SLC2A12: variants seen among roughly 807,000 people sequenced by gnomAD.
SLC2A12 encodes solute carrier family 2, facilitated glucose transporter member 12.
SLC2A12 carries 23 observed loss-of-function variants against 41.8 expected under a neutral mutation model. The observed-to-expected ratio is 0.55, with a 90% CI of 0.40 to 0.78. The LOEUF (loss-of-function observed/expected upper bound fraction) is 0.78, where lower values mean the gene tolerates loss of function less well. Ranked by LOEUF, SLC2A12 falls within the 30% of genes least tolerant of loss-of-function variation. The pLI is 0.00. For missense variants in SLC2A12, 654 were observed against 745.6 expected, an observed-to-expected ratio of 0.88 and a Z score of 1.43; for synonymous variants, 295 against 285.9, an observed-to-expected ratio of 1.03 and a Z score of -0.32.
At chr6:134,050,344 T>C (rs1012135745) in intron 1 of SLC2A12, among the ~76,000 whole-genome samples, 1 of 152,222 alleles carries the variant, frequency 6.6e-6, no homozygotes, top group African/African-American at 2.4e-5. Flanking sequence ...TCATCTGACA[T>C]TTTAAGGAAA....
At chr6:133,996,264 T>C (rs1478610283) in intron 4 of SLC2A12, among the ~76,000 whole-genome samples, 1 of 152,218 alleles carries the variant, frequency 6.6e-6, no homozygotes, top group Non-Finnish European at 1.5e-5. Flanking sequence ...TACAAAACAT[T>C]AACTTGTTTG....
intron 2 of SLC2A12, among the ~76,000 whole-genome samples, chr6:134,022,093 G>A (rs150233061): frequency 3.9e-5 from 6 of 152,266 alleles, no homozygotes; most frequent in Non-Finnish European, 7.4e-5. Flanking sequence ...CACCCTGATA[G>A]AGCTGGGTGA....
Position 134,029,563 on chromosome 6 carries a change from T to A in SLC2A12, c.262A>T (p.Ile88Phe). The A allele has an allele frequency of 6.2e-7, 1 of 1,614,142 alleles. No individual in the cohort carries two copies. Among genetic ancestry groups the A allele is most frequent in the East Asian group, 2.2e-5 (1 of 44,872 alleles). The change falls in exon 2 of 5, where the codon ATT becomes TTT. Residue 88 changes from isoleucine to phenylalanine, a missense_variant. Physicochemically the swap from Ile to Phe is conservative, Grantham distance 21. This residue lies in a region of SLC2A12 where 109 missense variants were observed against 153.0 expected (regional missense o/e 0.71). Coordinates refer to ENST00000275230, the MANE Select transcript of SLC2A12 (RefSeq NM_145176.3). ...GTGAGTGAGGCAAGGAGGGCTCCAATGACGAGGGAGCTCACAACCATTTCC... is the reference window on the plus strand; with the variant it reads ...GTGAGTGAGGCAAGGAGGGCTCCAAAGACGAGGGAGCTCACAACCATTTCC... ...EQEMVVSSLV[I>F]GALLASLTGG... is the part of the protein sequence containing the mutation.
At chr6:134,021,162 C>G (rs1040735761) in intron 2 of SLC2A12, among the ~76,000 whole-genome samples, 5 of 151,672 alleles carry the variant, frequency 3.3e-5, no homozygotes, top group African/African-American at 9.8e-5. Flanking sequence ...CTGGCAGGAA[C>G]AGGAGTTTTT....
intron 4 of SLC2A12, among the ~76,000 whole-genome samples, chr6:133,999,000 T>C (rs1562190434): frequency 6.6e-6 from 1 of 152,296 alleles, no homozygotes; most frequent in East Asian, 1.9e-4. Context: ...TTAAGCTAGG[T>C]AGGCATTGTA....
intron 1 of SLC2A12, among the ~76,000 whole-genome samples, chr6:134,032,486 ATTTGTTCTGTTTC>A (rs1777232203): frequency 1.3e-5 from 1 of 77,792 alleles, no homozygotes; most frequent in Non-Finnish European, 2.9e-5. Context: ...ATATATATAT[ATTTGTTCTGTTTC>A]ACTGCTATAT....
At chr6:134,001,898 TA>T in intron 4 of SLC2A12, 98 bp downstream of exon 4, 1 of 1,294,248 alleles carries the variant, frequency 7.7e-7, no homozygotes, top group South Asian at 1.5e-5. Context: ...CCTAATCTAA[TA>T]ATATCTAATA....
intron 4 of SLC2A12, among the ~76,000 whole-genome samples, chr6:133,999,320 G>A (rs1185328714): frequency 1.3e-5 from 2 of 152,164 alleles, no homozygotes; most frequent in African/African-American, 4.8e-5. Flanking sequence ...CAGGAAAGAA[G>A]ATTGTTTCAC....
intron 1 of SLC2A12, among the ~76,000 whole-genome samples, chr6:134,034,372 T>G (rs1421795538): frequency 1.3e-5 from 2 of 152,214 alleles, no homozygotes; most frequent in Admixed American, 6.5e-5. Flanking sequence ...TCCCCTTCCC[T>G]TACTACTCAT....
intron 1 of SLC2A12, among the ~76,000 whole-genome samples, chr6:134,051,826 G>A (rs545801273): frequency 1.3e-5 from 2 of 152,278 alleles, no homozygotes; most frequent in South Asian, 4.1e-4. Flanking sequence ...CATCACAAAC[G>A]TGCTGGGAAT....
At chr6:134,037,801 A>C (rs947276000) in intron 1 of SLC2A12, among the ~76,000 whole-genome samples, 1 of 152,134 alleles carries the variant, frequency 6.6e-6, no homozygotes, top group Non-Finnish European at 1.5e-5. Flanking sequence ...TGCTCAGTAG[A>C]GGTTACAGGA....
At chr6:134,021,398 G>C (rs534692648) in intron 2 of SLC2A12, among the ~76,000 whole-genome samples, 28 of 152,286 alleles carry the variant, frequency 1.8e-4, no homozygotes, top group African/African-American at 6.5e-4. Flanking sequence ...AATATGAGAT[G>C]TTTCTTCCTT....
intron 2 of SLC2A12, among the ~76,000 whole-genome samples, chr6:134,026,750 T>C (rs1264795317): frequency 3.3e-5 from 5 of 152,352 alleles, no homozygotes; most frequent in Non-Finnish European, 5.9e-5. Context: ...ATATGTCTAC[T>C]CACAGTGCAG....
At chr6:134,023,478 GC>G (rs1777072854) in intron 2 of SLC2A12, among the ~76,000 whole-genome samples, 1 of 152,144 alleles carries the variant, frequency 6.6e-6, no homozygotes, top group Admixed American at 6.5e-5. Context: ...GTTGTGTTTG[GC>G]TGACAGTGAA....
At chr6:134,052,283 A>T in intron 1 of SLC2A12, 95 bp downstream of exon 1, 1 of 1,000,790 alleles carries the variant, frequency 1.0e-6, no homozygotes, top group Non-Finnish European at 1.5e-6. Context: ...ACACACACAC[A>T]CACACACACA....
At position 134,029,232 on chromosome 6, in the gene SLC2A12, T is replaced by TACTTC. The variant is rs751157010; in HGVS notation, c.588_592dup (p.Tyr198Ter). ...CAAGGGAATCACAAGACCAAACATGTACTTCCAGCCATGGAAAACATTGGC... is the reference window on the plus strand; with the variant it reads ...CAAGGGAATCACAAGACCAAACATGTACTTCACTTCCAGCCATGGAAAACATTGGC... On this transcript the variant is annotated stop_gained and frameshift_variant, in exon 2 of 5. Coordinates refer to ENST00000275230, the MANE Select transcript of SLC2A12 (RefSeq NM_145176.3). LOFTEE classifies it high-confidence loss of function. 1 of 1,614,156 alleles carries TACTTC rather than the reference T, an allele frequency of 6.2e-7. No homozygotes were observed. The highest frequency in any genetic ancestry group is 8.5e-7 in the Non-Finnish European group (1 of 1,180,034).
intron 2 of SLC2A12, among the ~76,000 whole-genome samples, chr6:134,007,578 C>T (rs1021864418): frequency 6.6e-6 from 1 of 152,164 alleles, no homozygotes; most frequent in South Asian, 2.1e-4. Context: ...CTTATTGGCA[C>T]CAAAACTCAT....
chr6:133,991,318 A>T lies in SLC2A12; in HGVS notation c.1701-10T>A. The T allele has an allele frequency of 6.2e-7, 1 of 1,606,930 alleles. No individual in the cohort carries two copies. Among genetic ancestry groups the T allele is most frequent in the Non-Finnish European group, 8.5e-7 (1 of 1,178,300 alleles). On this transcript the variant is annotated splice_polypyrimidine_tract_variant and intron_variant, in intron 4 of 4. Coordinates refer to ENST00000275230, the MANE Select transcript of SLC2A12 (RefSeq NM_145176.3). ...GTTTTTCACATAGTTCCTGAAAGAG[A>T]AAGAGGCACTAATGAAAATGTCATT...
intron 1 of SLC2A12, among the ~76,000 whole-genome samples, chr6:134,040,807 A>G (rs998372728): frequency 4.6e-5 from 7 of 152,324 alleles, no homozygotes; most frequent in African/African-American, 1.7e-4. Context: ...TGGCTGTGAG[A>G]GAGATTGACA....
Sources: allele counts gnomAD v4.1 joint callset (sites outside exome capture counted in the v4.1 genomes callset), GRCh38; gene constraint gnomAD v4.1.1; regional missense constraint gnomAD v4.1.1; transcripts MANE v1.5; gene names NCBI Gene and HGNC (gene_info 2026-07-23, HGNC 2026-07-21).